FYN: variants seen among roughly 807,000 people sequenced by gnomAD.
The protein encoded by FYN is FYN proto-oncogene, Src family tyrosine kinase, also known as tyrosine-protein kinase Fyn.
Under a neutral mutation model 70.2 loss-of-function variants are expected in FYN, and 10 were observed. The observed-to-expected ratio is 0.14, with a 90% CI of 0.09 to 0.24. FYN has a LOEUF of 0.24. FYN is among the 10% of genes least tolerant of loss of function. The probability of loss-of-function intolerance (pLI) is 1.00; values close to 1 mark genes in which losing one functional copy is unlikely to be tolerated. For synonymous variants in FYN, 236 were observed against 248.6 expected (o/e 0.95, Z 0.48); for missense variants, 319 against 673.1 (o/e 0.47, Z 5.82).
intron 3 of FYN, among the ~76,000 whole-genome samples, chr6:111,755,285 G>A (rs1802675820): frequency 6.6e-6 from 1 of 152,058 alleles, no homozygotes; most frequent in African/African-American, 2.4e-5. Context: ...ATTCATAGCT[G>A]CTTAGAAGCC....
intron 2 of FYN, chr6:111,819,860 C>T (rs1298088946): frequency 1.3e-5 from 2 of 152,084 alleles, no homozygotes; most frequent in Non-Finnish European, 2.9e-5. Flanking sequence ...AAACACTCAC[C>T]CTTGGTGTCT....
chr6:111,822,172 CAT>C (rs1245193725), intron 2 of FYN, among the ~76,000 whole-genome samples: 22 of 152,314 alleles, frequency 1.4e-4, no homozygotes, highest in African/African-American at 5.3e-4. Flanking sequence ...TATAAAGACA[CAT>C]GCACATGTAT....
intron 1 of FYN, among the ~76,000 whole-genome samples, chr6:111,867,711 T>G (rs753066149): frequency 3.3e-5 from 5 of 152,092 alleles, no homozygotes; most frequent in Non-Finnish European, 7.3e-5. Context: ...GCACCTCCTT[T>G]CCTTCCATTT....
At chr6:111,797,138 T>C (rs937195205) in intron 2 of FYN, among the ~76,000 whole-genome samples, 12 of 152,338 alleles carry the variant, frequency 7.9e-5, no homozygotes, top group East Asian at 1.9e-4. Context: ...TAGTGGAGGA[T>C]AGATCATGCT....
chr6:111,826,486 C>T (rs1772838433), intron 2 of FYN, among the ~76,000 whole-genome samples: 2 of 152,130 alleles, frequency 1.3e-5, no homozygotes, highest in South Asian at 4.1e-4. Flanking sequence ...TACATTCAAA[C>T]AAGAATATGC....
chr6:111,757,894 G>C (rs1023444938), intron 3 of FYN, among the ~76,000 whole-genome samples: 1 of 152,186 alleles, frequency 6.6e-6, no homozygotes, highest in Non-Finnish European at 1.5e-5. Flanking sequence ...AACAGTCTTA[G>C]AGAAGGAAAC....
intron 12 of FYN, among the ~76,000 whole-genome samples, chr6:111,680,792 A>T (rs1265230307): frequency 6.6e-6 from 1 of 152,196 alleles, no homozygotes; most frequent in East Asian, 1.9e-4. Flanking sequence ...TCGGTAACAA[A>T]GCAGTAAAAC....
chr6:111,838,174 T>C (rs1583483981), intron 2 of FYN, among the ~76,000 whole-genome samples: 1 of 152,066 alleles, frequency 6.6e-6, no homozygotes, highest in East Asian at 1.9e-4. Context: ...GTCCCTCCTT[T>C]AAAAAAATCA....
intron 3 of FYN, among the ~76,000 whole-genome samples, chr6:111,773,638 A>AGGGAAAGAGGGGGAAGGGAGGGGGGGG (rs1803589399): frequency 6.6e-5 from 1 of 15,222 alleles, no homozygotes. Flanking sequence ...GGAGAGGGGG[A>AGGGAAAGAGGGGGAAGGGAGGGGGGGG]GGGGGAGGGA....
intron 2 of FYN, among the ~76,000 whole-genome samples, chr6:111,837,058 A>T (rs796396007): frequency 7.2e-5 from 11 of 152,116 alleles, no homozygotes; most frequent in African/African-American, 2.4e-4. Flanking sequence ...GGCCATATAT[A>T]AAAAAAACAC....
intron 13 of FYN, among the ~76,000 whole-genome samples, chr6:111,671,333 C>T (rs1798258086): frequency 6.6e-6 from 1 of 152,168 alleles, no homozygotes. Context: ...ACTCTAAGTT[C>T]CTTCTGGGAT....
chr6:111,784,388 T>C (rs1263653533), intron 2 of FYN, among the ~76,000 whole-genome samples: 2 of 152,174 alleles, frequency 1.3e-5, no homozygotes, highest in African/African-American at 4.8e-5. Flanking sequence ...CTCAATCATA[T>C]GAGGGACAAG....
intron 13 of FYN, among the ~76,000 whole-genome samples, chr6:111,668,649 A>G (rs777092627): frequency 6.6e-6 from 1 of 151,992 alleles, no homozygotes; most frequent in Non-Finnish European, 1.5e-5. Flanking sequence ...CTTCACACGC[A>G]TTCTCCCCTG....
intron 4 of FYN, among the ~76,000 whole-genome samples, chr6:111,718,516 C>T: frequency 6.6e-6 from 1 of 152,172 alleles, no homozygotes; most frequent in East Asian, 1.9e-4. Flanking sequence ...ATATCCAGCA[C>T]TCGTGAATGA....
At chr6:111,860,869 T>C (rs1453744716) in intron 1 of FYN, among the ~76,000 whole-genome samples, 2 of 152,170 alleles carry the variant, frequency 1.3e-5, no homozygotes, top group African/African-American at 4.8e-5. Context: ...ATAATGACTA[T>C]GGGAATTACA....
chr6:111,704,502 C>A (rs1166748087), intron 6 of FYN, among the ~76,000 whole-genome samples: 1 of 152,174 alleles, frequency 6.6e-6, no homozygotes, highest in African/African-American at 2.4e-5. Flanking sequence ...ACCTGTAATC[C>A]CAGCACTTTG....
intron 2 of FYN, among the ~76,000 whole-genome samples, chr6:111,801,872 G>A (rs1771996676): frequency 6.6e-6 from 1 of 152,164 alleles, no homozygotes; most frequent in African/African-American, 2.4e-5. Context: ...GCTTAAATCT[G>A]TTAGGCACCA....
At chr6:111,795,662 A>G (rs1340500313) in intron 2 of FYN, among the ~76,000 whole-genome samples, 1 of 152,180 alleles carries the variant, frequency 6.6e-6, no homozygotes, top group Non-Finnish European at 1.5e-5. Flanking sequence ...TCAGAAACAG[A>G]AGGGTGTTCT....
At chr6:111,674,904 A>G (rs1381011304) in intron 12 of FYN, among the ~76,000 whole-genome samples, 1 of 152,128 alleles carries the variant, frequency 6.6e-6, no homozygotes, top group Non-Finnish European at 1.5e-5. Context: ...TTATATATAT[A>G]TTTAACTTTG....
Sources: gnomAD v4.1 joint callset for allele counts (sites outside exome capture counted in the v4.1 genomes callset) on GRCh38, gnomAD v4.1.1 for gene constraint, MANE v1.5 for transcripts, NCBI Gene and HGNC (gene_info 2026-07-23, HGNC 2026-07-21) for gene names.